Variants in CSMD1 observed in about 807,000 individuals in gnomAD.
CSMD1 encodes the protein CUB and sushi domain-containing protein 1.
Under a neutral mutation model 417.5 loss-of-function variants are expected in CSMD1, and 213 were observed. The observed-to-expected ratio is 0.51, with a 90% CI of 0.46 to 0.57. The LOEUF (loss-of-function observed/expected upper bound fraction) is 0.57, where lower values mean the gene tolerates loss of function less well. CSMD1 is among the 20% of genes least tolerant of loss of function. CSMD1 has a pLI of 0.00. For missense variants in CSMD1, 6,923 were observed against 4,529.7 expected (o/e 1.53, Z -15.17); for synonymous variants, 2,862 against 1,736.8 (o/e 1.65, Z -16.11).
chr8:4,105,353 T>C (rs963951754), intron 3 of CSMD1, among the ~76,000 whole-genome samples: 4 of 152,190 alleles, frequency 2.6e-5, no homozygotes, highest in African/African-American at 9.7e-5. Flanking sequence ...TTTTTATGTT[T>C]ATATGTGCTT....
intron 12 of CSMD1, among the ~76,000 whole-genome samples, chr8:3,440,892 C>T (rs1001140317): frequency 1.3e-5 from 2 of 152,156 alleles, no homozygotes; most frequent in African/African-American, 4.8e-5. Context: ...TTGATGGTGG[C>T]CCCCGATAAC....
chr8:3,693,194 T>G (rs1306426257), intron 7 of CSMD1, among the ~76,000 whole-genome samples: 1 of 152,172 alleles, frequency 6.6e-6, no homozygotes, highest in East Asian at 1.9e-4. Flanking sequence ...AGTCAATGAA[T>G]CAATACTGTT....
Position 4,923,457 on chromosome 8 carries a change from A to G in CSMD1, c.85+70875T>C, listed in dbSNP as rs1056276789. 2.4e-4 allele frequency among the ~76,000 whole-genome samples: 37 copies of G among 152,206 alleles called. 1 individual carries two copies. The highest frequency in any genetic ancestry group is 8.8e-5 in the Non-Finnish European group (6 of 68,038). On this transcript the variant is annotated intron_variant, in intron 1 of 69. Transcript: ENST00000635120. ...ACATTCTCCATGGTGTGCTTATTTCATATTACATGCCTGTGTCAAAACATC... is the reference window on the plus strand; with the variant it reads ...ACATTCTCCATGGTGTGCTTATTTCGTATTACATGCCTGTGTCAAAACATC...
intron 2 of CSMD1, among the ~76,000 whole-genome samples, chr8:4,469,062 G>A (rs1268113122): frequency 2.0e-5 from 3 of 152,124 alleles, no homozygotes; most frequent in African/African-American, 7.2e-5. Context: ...TTAATAACAA[G>A]AGCACAATTG....
intron 7 of CSMD1, among the ~76,000 whole-genome samples, chr8:3,633,433 C>G (rs1382473849): frequency 6.6e-6 from 1 of 152,108 alleles, no homozygotes. Flanking sequence ...CTACTCCCGG[C>G]AGGATAATGC....
intron 1 of CSMD1, among the ~76,000 whole-genome samples, chr8:4,797,026 G>C (rs1798016267): frequency 1.3e-5 from 2 of 152,162 alleles, no homozygotes; most frequent in African/African-American, 2.4e-5. Context: ...AAGAAAGGGA[G>C]ACTGTCAGCT....
chr8:4,508,183 G>A (rs1490926231), intron 2 of CSMD1, among the ~76,000 whole-genome samples: 3 of 147,516 alleles, frequency 2.0e-5, no homozygotes, highest in Admixed American at 1.3e-4. Flanking sequence ...TCAATTCTGA[G>A]GAGGTGTCAT....
At chr8:4,170,093 A>C (rs1035548656) in intron 3 of CSMD1, among the ~76,000 whole-genome samples, 11 of 151,840 alleles carry the variant, frequency 7.2e-5, no homozygotes, top group Admixed American at 5.9e-4. Flanking sequence ...AAGATTAAAA[A>C]TATGTATCCC....
intron 28 of CSMD1, among the ~76,000 whole-genome samples, chr8:3,222,447 C>G (rs1168650459): frequency 6.6e-6 from 1 of 152,004 alleles, no homozygotes; most frequent in Non-Finnish European, 1.5e-5. Flanking sequence ...GTAGCTAGAA[C>G]CAGAGGAATA....
chr8:4,826,698 C>T (rs1300095217), intron 1 of CSMD1, among the ~76,000 whole-genome samples: 1 of 152,100 alleles, frequency 6.6e-6, no homozygotes, highest in Non-Finnish European at 1.5e-5. Context: ...GCTCCTTTCC[C>T]TGCGCTCTGC....
At chr8:4,541,334 T>C (rs1797373802) in intron 2 of CSMD1, among the ~76,000 whole-genome samples, 1 of 152,180 alleles carries the variant, frequency 6.6e-6, no homozygotes. Context: ...GCAATTACAG[T>C]GGGTACTGCC....
intron 33 of CSMD1, among the ~76,000 whole-genome samples, chr8:3,191,555 CA>C (rs1796425406): frequency 1.3e-5 from 2 of 152,082 alleles, no homozygotes; most frequent in African/African-American, 2.4e-5. Context: ...TTGCAGCAAG[CA>C]AAAACCCAGG....
intron 5 of CSMD1, among the ~76,000 whole-genome samples, chr8:3,838,731 TTA>T (rs1802881030): frequency 1.2e-5 from 1 of 84,626 alleles, no homozygotes; most frequent in African/African-American, 6.8e-5. Flanking sequence ...TAAATTAATA[TTA>T]TATAGTATAA....
chr8:4,078,894 TAAA>T (rs1563094960), intron 3 of CSMD1, among the ~76,000 whole-genome samples: 6 of 39,474 alleles, frequency 1.5e-4, no homozygotes, highest in African/African-American at 5.4e-4. Flanking sequence ...ATAATAATAA[TAAA>T]TATATATATA....
chr8:3,358,792 G>C (rs1037915829), intron 21 of CSMD1, among the ~76,000 whole-genome samples: 1 of 152,152 alleles, frequency 6.6e-6, no homozygotes, highest in Non-Finnish European at 1.5e-5. Flanking sequence ...GCAATTGTCA[G>C]AGGTTGTGTT....
intron 2 of CSMD1, among the ~76,000 whole-genome samples, chr8:4,569,707 T>C (rs748945263): frequency 7.2e-5 from 11 of 152,210 alleles, no homozygotes; most frequent in Non-Finnish European, 8.8e-5. Flanking sequence ...GGGAATAGCA[T>C]TGAATCTATA....
At chr8:3,399,596 G>T (rs1354707953) in intron 15 of CSMD1, 67 bp from the exon 16 acceptor site, 12 of 1,237,572 alleles carry the variant, frequency 9.7e-6, no homozygotes, top group South Asian at 1.8e-5. Flanking sequence ...ACAATACCCG[G>T]ATAAAAGCCA....
At chr8:4,688,961 T>C (rs1227159275) in intron 1 of CSMD1, among the ~76,000 whole-genome samples, 2 of 152,210 alleles carry the variant, frequency 1.3e-5, no homozygotes, top group African/African-American at 4.8e-5. Context: ...GAAATGGCCA[T>C]TTTCCAATTC....
intron 3 of CSMD1, among the ~76,000 whole-genome samples, chr8:4,178,706 T>C (rs1243567758): frequency 6.6e-6 from 1 of 152,176 alleles, no homozygotes; most frequent in Non-Finnish European, 1.5e-5. Flanking sequence ...CAAAATCTCC[T>C]TAAGCTGATA....
Sources: gnomAD v4.1 joint callset for allele counts (sites outside exome capture counted in the v4.1 genomes callset) on GRCh38, gnomAD v4.1.1 for gene constraint, MANE v1.5 for transcripts, NCBI Gene and HGNC (gene_info 2026-07-23, HGNC 2026-07-21) for gene names.